The following HMBOX1 variants were observed in gnomAD, a reference collection of about 807,000 sequenced individuals.
HMBOX1 encodes homeobox-containing protein 1.
HMBOX1 carries 14 observed loss-of-function variants against 54.5 expected under a neutral mutation model. The observed-to-expected ratio is 0.26, with a 90% confidence interval of 0.17 to 0.40. The LOEUF (loss-of-function observed/expected upper bound fraction) is 0.40. Ranked by LOEUF, HMBOX1 falls within the 10% of genes least tolerant of loss-of-function variation. The pLI, the probability that HMBOX1 is intolerant of heterozygous loss-of-function variation, is 1.00. For synonymous variants in HMBOX1, 160 were observed against 181.0 expected, an observed-to-expected ratio of 0.88 and a Z score of 0.93; for missense variants, 332 against 514.4, an observed-to-expected ratio of 0.65 and a Z score of 3.43.
intron 4 of HMBOX1, among the ~76,000 whole-genome samples, chr8:28,988,135 T>C (rs1349387802): frequency 4.6e-5 from 7 of 152,236 alleles, no homozygotes; most frequent in Non-Finnish European, 7.3e-5. Context: ...TCCTTCACTA[T>C]TGATTTGCCT....
At chr8:28,965,200 T>G (rs979101229) in intron 2 of HMBOX1, among the ~76,000 whole-genome samples, 10 of 152,276 alleles carry the variant, frequency 6.6e-5, no homozygotes, top group Middle Eastern at 3.2e-3. Context: ...AGGCATTCAA[T>G]AAATGTTACT....
Position 28,975,882 on chromosome 8 carries a change from TACCAAAGTGGTGATTTCATAGATTAC to T in HMBOX1, c.501-4187_501-4162del, listed in dbSNP as rs1447658810. ...TTTAGAGTAAATGAAGTTTTCACAC[TACCAAAGTGGTGATTTCATAGATTAC>T]AATGAGGACAATAGGAGTAGCAGGT... is the stretch of plus-strand genomic sequence containing the variant. On this transcript the variant is annotated intron_variant, in intron 3 of 9. Transcript: ENST00000287701. Among the ~76,000 whole-genome samples, 9 of 152,224 alleles carry T rather than the reference TACCAAAGTGGTGATTTCATAGATTAC, an allele frequency of 5.9e-5. No individual in the cohort carries two copies. In the East Asian group the frequency reaches 1.4e-3, roughly 23 times the overall value.
At chr8:28,950,386 T>G (rs763960451) in intron 1 of HMBOX1, among the ~76,000 whole-genome samples, 1 of 152,188 alleles carries the variant, frequency 6.6e-6, no homozygotes, top group Non-Finnish European at 1.5e-5. Context: ...GAGAGAAAGT[T>G]CTACCTGCTG....
intron 1 of HMBOX1, among the ~76,000 whole-genome samples, chr8:28,959,891 G>T (rs1196033204): frequency 6.6e-6 from 1 of 151,832 alleles, no homozygotes; most frequent in Non-Finnish European, 1.5e-5. Flanking sequence ...CTGGGAAATC[G>T]TTTTTCTCTT....
chr8:28,925,573 C>G (rs1818304965), intron 1 of HMBOX1, among the ~76,000 whole-genome samples: 1 of 152,198 alleles, frequency 6.6e-6, no homozygotes, highest in South Asian at 2.1e-4. Flanking sequence ...TAGTAAAGCA[C>G]TGCAGGTAAA....
At chr8:28,929,653 A>G (rs1819135381) in intron 1 of HMBOX1, among the ~76,000 whole-genome samples, 1 of 152,146 alleles carries the variant, frequency 6.6e-6, no homozygotes, top group Non-Finnish European at 1.5e-5. Flanking sequence ...TGGGATAGAG[A>G]GATGGCAAAG....
intron 1 of HMBOX1, among the ~76,000 whole-genome samples, chr8:28,901,922 A>T (rs118000338): frequency 6.6e-6 from 1 of 152,180 alleles, no homozygotes; most frequent in Non-Finnish European, 1.5e-5. Context: ...TTAAAACCTT[A>T]TACTTAAAAC....
chr8:28,907,833 ATTTC>A (rs1284130252), intron 1 of HMBOX1, among the ~76,000 whole-genome samples: 8 of 150,280 alleles, frequency 5.3e-5, no homozygotes, highest in Admixed American at 1.3e-4. Flanking sequence ...AAATATACTG[ATTTC>A]TTTCTTTCTT....
At chr8:29,037,203 TTAAAAA>T (rs1243179345) in intron 6 of HMBOX1, among the ~76,000 whole-genome samples, 1 of 152,162 alleles carries the variant, frequency 6.6e-6, no homozygotes, top group Admixed American at 6.6e-5. Flanking sequence ...GTCTGTGGAG[TTAAAAA>T]TAAGCTCATC....
At chr8:28,979,742 AG>A (rs1370383914) in intron 3 of HMBOX1, among the ~76,000 whole-genome samples, 1 of 152,196 alleles carries the variant, frequency 6.6e-6, no homozygotes. Flanking sequence ...TTCATTCCCC[AG>A]TAATGAAACT....
intron 9 of HMBOX1, chr8:29,050,718 A>C (rs1233113994): frequency 3.1e-6 from 1 of 327,316 alleles, no homozygotes; most frequent in Non-Finnish European, 5.6e-6. Flanking sequence ...GTTTTATATC[A>C]ATCACTGCAG....
intron 1 of HMBOX1, among the ~76,000 whole-genome samples, chr8:28,944,878 A>G (rs1585987356): frequency 6.6e-6 from 1 of 152,186 alleles, no homozygotes; most frequent in Non-Finnish European, 1.5e-5. Context: ...TTGGAAAGAA[A>G]CTTGGGACAA....
intron 1 of HMBOX1, among the ~76,000 whole-genome samples, chr8:28,945,944 CTTTTTT>C (rs58698981): frequency 7.7e-5 from 10 of 129,252 alleles, no homozygotes; most frequent in Non-Finnish European, 1.7e-4. Flanking sequence ...AGGGCATATT[CTTTTTT>C]TTTTTTTTTT....
chr8:29,003,883 A>G (rs1238825400), intron 4 of HMBOX1, among the ~76,000 whole-genome samples: 1 of 152,102 alleles, frequency 6.6e-6, no homozygotes, highest in Admixed American at 6.5e-5. Flanking sequence ...TCTAATTAAA[A>G]AGGAGCTTAT....
intron 7 of HMBOX1, among the ~76,000 whole-genome samples, 185 bp downstream of exon 7, chr8:29,045,628 T>C (rs1437038288): frequency 6.6e-6 from 1 of 152,226 alleles, no homozygotes; most frequent in African/African-American, 2.4e-5. Flanking sequence ...GTTTTTATGG[T>C]ACTCAAAATC....
At chr8:29,036,581 C>G (rs1803914033) in intron 6 of HMBOX1, among the ~76,000 whole-genome samples, 1 of 152,198 alleles carries the variant, frequency 6.6e-6, no homozygotes, top group African/African-American at 2.4e-5. Context: ...TGAGATGTAA[C>G]TGTGGTCCTT....
intron 4 of HMBOX1, among the ~76,000 whole-genome samples, chr8:29,007,973 C>T (rs2132823150): frequency 6.6e-6 from 1 of 152,158 alleles, no homozygotes; most frequent in Middle Eastern, 3.4e-3. Context: ...ATCCCAGGAC[C>T]TCCTGCTTTT....
At chr8:28,902,286 C>G (rs1813376850) in intron 1 of HMBOX1, among the ~76,000 whole-genome samples, 1 of 152,118 alleles carries the variant, frequency 6.6e-6, no homozygotes, top group Admixed American at 6.5e-5. Flanking sequence ...TTAGACACAG[C>G]AATCTATCTA....
chr8:29,000,058 T>G (rs1328813927), intron 4 of HMBOX1, among the ~76,000 whole-genome samples: 1 of 152,216 alleles, frequency 6.6e-6, no homozygotes, highest in Non-Finnish European at 1.5e-5. Context: ...TTGGTGATGT[T>G]TGTTTAATGA....
Sources: gnomAD v4.1 joint callset for allele counts (sites outside exome capture counted in the v4.1 genomes callset) on GRCh38, gnomAD v4.1.1 for gene constraint, MANE v1.5 for transcripts, NCBI Gene and HGNC (gene_info 2026-07-23, HGNC 2026-07-21) for gene names.